EVC: variants seen among roughly 807,000 people sequenced by gnomAD.
EVC encodes EvC ciliary complex subunit 1, also known as evC complex member EVC.
Under a neutral mutation model 118.9 loss-of-function variants are expected in EVC, and 116 were observed. The ratio of observed to expected loss-of-function variants is 0.98; its 90% CI spans 0.84 to 1.14. The LOEUF (loss-of-function observed/expected upper bound fraction) is 1.14, where lower values mean the gene tolerates loss of function less well. Ranked by LOEUF, EVC falls within the 50% of genes most tolerant of loss-of-function variation. The probability of loss-of-function intolerance (pLI) is 0.00; values close to 1 mark genes in which losing one functional copy is unlikely to be tolerated. For synonymous variants in EVC, 619 were observed against 534.7 expected (o/e 1.16, Z -2.18); for missense variants, 1,401 against 1,246.4 (o/e 1.12, Z -1.87).
chr4:5,770,982 A>T (rs1466556486), intron 11 of EVC, among the ~76,000 whole-genome samples: 1 of 151,578 alleles, frequency 6.6e-6, no homozygotes, highest in African/African-American at 2.4e-5. Context: ...ATTGCACTCC[A>T]GCCTGGGTGA....
intron 12 of EVC, among the ~76,000 whole-genome samples, chr4:5,783,986 C>T (rs779185217): frequency 6.6e-6 from 1 of 151,958 alleles, no homozygotes; most frequent in African/African-American, 2.4e-5. Context: ...TTAAGTTGAT[C>T]GATTAAGAAG....
At chr4:5,728,603 G>A (rs1726246914) in intron 2 of EVC, among the ~76,000 whole-genome samples, 1 of 152,122 alleles carries the variant, frequency 6.6e-6, no homozygotes, top group South Asian at 2.1e-4. Flanking sequence ...ACTCAGCAGG[G>A]TGCTTCATGA....
intron 11 of EVC, 32 bp from the exon 12 acceptor site, chr4:5,783,519 AC>A: frequency 6.2e-7 from 1 of 1,609,322 alleles, no homozygotes; most frequent in Admixed American, 1.7e-5. Context: ...TCCTGCCGTG[AC>A]CTGTAACCCC....
chr4:5,826,991 T>C, the EVC span: 2 of 152,566 alleles, frequency 1.3e-5, no homozygotes, highest in African/African-American at 2.4e-5. Flanking sequence ...GGCTGTGGCA[T>C]TGCTTCCTGG....
chr4:5,821,933 A>G, the EVC span: 12 of 1,113,552 alleles, frequency 1.1e-5, no homozygotes, highest in Non-Finnish European at 1.5e-5. The surrounding 1 kb of genome is among the most constrained non-coding windows in gnomAD (Gnocchi z 4.4). Context: ...GTACTCTGCC[A>G]TGCACTCCAC....
intron 11 of EVC, among the ~76,000 whole-genome samples, chr4:5,774,092 T>A (rs1338422346): frequency 6.6e-6 from 1 of 151,940 alleles, no homozygotes; most frequent in African/African-American, 2.4e-5. Flanking sequence ...AGTGTGTATT[T>A]GGGTCCTTCG....
rs560362887 is a variant in EVC, at chr4:5,750,088, G to C, written c.1098+1782G>C. 2.6e-5 allele frequency among the ~76,000 whole-genome samples: 4 copies of C among 152,180 alleles called. No homozygotes were observed. The East Asian group carries it at 5.8e-4, about 22-fold the overall frequency. ...GTCAACACTGCCGAAAGATAGGTAT[G>C]GAAGATATTTTATTCACAGCACGCA... On this transcript the variant is annotated intron_variant, in intron 8 of 20. Coordinates refer to ENST00000264956, the MANE Select transcript of EVC (RefSeq NM_153717.3).
At position 5,804,771 on chromosome 4, in the gene EVC, C is replaced by T. The variant is rs1715591863; in HGVS notation, c.2491C>T (p.Leu831Phe). The change falls in exon 17 of 21, where the codon CTC becomes TTC. Residue 831 changes from leucine to phenylalanine, a missense_variant. Coordinates refer to ENST00000264956, the MANE Select transcript of EVC (RefSeq NM_153717.3). ...TTACAAACTGCGGAAAAAGCAAGAA[C>T]TCAGCAACCCTTCGTCGGGCAGCAG... Reference protein sequence around the residue: ...ENYKLRKKQELSNPSSGSRTA... With the variant: ...ENYKLRKKQEFSNPSSGSRTA... 4 of 1,614,078 alleles carry T rather than the reference C, an allele frequency of 2.5e-6. No individual in the cohort carries two copies. The highest frequency in any genetic ancestry group is 8.5e-7 in the Non-Finnish European group (1 of 1,180,048).
chr4:5,772,440 C>G (rs887821079), intron 11 of EVC, among the ~76,000 whole-genome samples: 1 of 152,136 alleles, frequency 6.6e-6, no homozygotes, highest in East Asian at 1.9e-4. Flanking sequence ...CACTTAACCT[C>G]TCTGATCCAG....
chr4:5,729,570 T>C (rs530512638), intron 3 of EVC, among the ~76,000 whole-genome samples, 180 bp downstream of exon 3: 26 of 152,242 alleles, frequency 1.7e-4, no homozygotes, highest in African/African-American at 5.3e-4. Context: ...GTAACCACGG[T>C]ACGGAAGTTC....
At chr4:5,727,131 C>T (rs1170051986) in intron 2 of EVC, among the ~76,000 whole-genome samples, 1 of 152,052 alleles carries the variant, frequency 6.6e-6, no homozygotes, top group African/African-American at 2.4e-5. Context: ...GTTCTAGATC[C>T]CTGAGGAATC....
rs1156699949 is a variant in EVC at position 5,813,170 on chromosome 4, T to C, written c.*2133T>C. ...TTCACTAAAAAACTTGGTTATTCCA[T>C]GGAGTTGTGCAAAGCTATGGCTTCC... On this transcript the variant is annotated 3_prime_UTR_variant, in exon 21 of 21. Transcript: ENST00000264956. 6.6e-6 allele frequency: 1 copy of C among 152,216 alleles called. No homozygotes were observed. The highest frequency in any genetic ancestry group is 1.5e-5 in the Non-Finnish European group (1 of 68,036). 9.4% of individuals were successfully genotyped at this position (152,216 alleles called of 1,614,324 possible).
chr4:5,783,411 C>T lies in EVC; in HGVS notation c.1564-141C>T, dbSNP rs1435197605. On this transcript the variant is annotated intron_variant, in intron 11 of 20. Coordinates refer to ENST00000264956, the MANE Select transcript of EVC (RefSeq NM_153717.3). ...TTGTATGTGTGTCTATGCATGCTTGCATACGTGTGACTTGAGAGTTCCTGT... is the reference window on the plus strand; with the variant it reads ...TTGTATGTGTGTCTATGCATGCTTGTATACGTGTGACTTGAGAGTTCCTGT... 19 of 791,456 alleles carry T rather than the reference C, an allele frequency of 2.4e-5. No individual in the cohort carries two copies. In the East Asian group the frequency reaches 3.6e-4, roughly 15 times the overall value. The allele number at this position is 791,456 out of a possible 1,614,324, so 49.0% of individuals were successfully genotyped here.
rs546076652 is a variant in EVC at position 5,754,791 on chromosome 4, C to G, written c.1464+858C>G. Among the ~76,000 whole-genome samples the G allele has an allele frequency of 3.6e-4, 55 of 152,262 alleles. No individual in the cohort carries two copies. The highest frequency in any genetic ancestry group is 1.3e-3 in the African/African-American group (53 of 41,552). On this transcript the variant is annotated intron_variant, in intron 10 of 20. Coordinates refer to ENST00000264956, the MANE Select transcript of EVC (RefSeq NM_153717.3). This position sits in a 1 kb window ranked among gnomAD's most constrained non-coding sequence, Gnocchi z 5.8. The stretch of plus-strand genomic sequence containing the variant: ...GAAATGGGCATAATGGCACCTATAT[C>G]ACAGCATTGTTAGGATTCAGTGAGA...
chr4:5,816,139 G>C (rs17748291), downstream of EVC, among the ~76,000 whole-genome samples: 2 of 152,080 alleles, frequency 1.3e-5, no homozygotes, highest in Non-Finnish European at 2.9e-5. Flanking sequence ...CTGGGGATCT[G>C]TTTTTTCCCC....
rs1406156346 is a variant in EVC at position 5,755,054 on chromosome 4, C to T, written c.1464+1121C>T. 6.6e-6 allele frequency among the ~76,000 whole-genome samples: 1 copy of T among 151,834 alleles called. No homozygotes were observed. The highest frequency in any genetic ancestry group is 1.5e-5 in the Non-Finnish European group (1 of 67,966). ...GAGAACAGAGGACAGGCCTCTAGGT[C>T]CCTGGTCCAGCTGCCTCCCTCACCC... On this transcript the variant is annotated intron_variant, in intron 10 of 20. Coordinates refer to ENST00000264956, the MANE Select transcript of EVC (RefSeq NM_153717.3). This position sits in a 1 kb window ranked among gnomAD's most constrained non-coding sequence, Gnocchi z 4.1.
chr4:5,775,954 A>G (rs1421054618), intron 11 of EVC, among the ~76,000 whole-genome samples: 1 of 152,128 alleles, frequency 6.6e-6, no homozygotes, highest in African/African-American at 2.4e-5. Flanking sequence ...TTTAGGTCGT[A>G]TTTAATTTAG....
chr4:5,756,746 A>C lies in EVC; in HGVS notation c.1563+384A>C, dbSNP rs983363847. 2.6e-5 allele frequency among the ~76,000 whole-genome samples: 4 copies of C among 152,106 alleles called. No homozygotes were observed. Among genetic ancestry groups the C allele is most frequent in the African/African-American group, 7.2e-5 (3 of 41,424 alleles). On this transcript the variant is annotated intron_variant, in intron 11 of 20. Coordinates refer to ENST00000264956, the MANE Select transcript of EVC (RefSeq NM_153717.3). This position sits in a 1 kb window ranked among gnomAD's most constrained non-coding sequence, Gnocchi z 4.2. ...CTGAAATGGGGACGTCAGAGATCACATGCCACACCACCTCTTTCCCCTGTG... is the reference window on the plus strand; with the variant it reads ...CTGAAATGGGGACGTCAGAGATCACCTGCCACACCACCTCTTTCCCCTGTG...
chr4:5,718,542 A>G (rs1577321704), intron 1 of EVC, among the ~76,000 whole-genome samples: 1 of 151,944 alleles, frequency 6.6e-6, no homozygotes, highest in South Asian at 2.1e-4. Context: ...CTAGAGTATG[A>G]AAAGGATGTT....
Sources: allele counts gnomAD v4.1 joint callset (sites outside exome capture counted in the v4.1 genomes callset), GRCh38; gene constraint gnomAD v4.1.1; non-coding constraint Gnocchi (gnomAD v3.1); transcripts MANE v1.5; gene names NCBI Gene and HGNC (gene_info 2026-07-23, HGNC 2026-07-21).